Variants in DAAM1 observed in about 807,000 individuals in gnomAD.
DAAM1 encodes the protein disheveled-associated activator of morphogenesis 1.
A neutral mutation model predicts 130.0 loss-of-function variants in DAAM1; 52 were observed. The ratio of observed to expected loss-of-function variants is 0.40; its 90% CI spans 0.32 to 0.50. DAAM1 has a LOEUF of 0.50. Ranked by LOEUF, DAAM1 falls within the 20% of genes least tolerant of loss-of-function variation. The probability of loss-of-function intolerance (pLI) is 0.61; values close to 1 mark genes in which losing one functional copy is unlikely to be tolerated. For missense variants in DAAM1, 1,134 were observed against 1,303.8 expected (o/e 0.87, Z 2.01); for synonymous variants, 452 against 444.5 (o/e 1.02, Z -0.21).
At chr14:59,326,772 T>C in intron 11 of DAAM1, 124 bp downstream of exon 11, 1 of 1,511,092 alleles carries the variant, frequency 6.6e-7, no homozygotes, top group Non-Finnish European at 9.0e-7. Flanking sequence ...TGAGTTACTG[T>C]ACACATGCAC....
chr14:59,340,979 T>C (rs541499004), intron 16 of DAAM1, among the ~76,000 whole-genome samples: 15 of 152,202 alleles, frequency 9.9e-5, no homozygotes, highest in Non-Finnish European at 1.6e-4. Flanking sequence ...GTATATGCAT[T>C]GAGGCTGGTA....
intron 21 of DAAM1, 105 bp downstream of exon 21, chr14:59,359,609 CT>C (rs1364290891): frequency 6.7e-6 from 5 of 751,168 alleles, no homozygotes; most frequent in African/African-American, 3.5e-5. Context: ...TTGTTTTCCC[CT>C]GATCATTGTA....
Position 59,211,353 on chromosome 14 carries a change from C to T in DAAM1, c.-38+22585C>T, listed in dbSNP as rs114640030. Among the ~76,000 whole-genome samples the T allele has an allele frequency of 5.3e-3, 807 of 152,300 alleles. 10 individuals are homozygous for T. The highest frequency in any genetic ancestry group is 0.018 in the African/African-American group (755 of 41,550). On this transcript the variant is annotated intron_variant, in intron 1 of 24. Coordinates refer to ENST00000360909, the MANE Select transcript of DAAM1 (RefSeq NM_001270520.2). ...CTGTATTTAAGAAAACACATGCATG[C>T]ACATACATCCTGTGGCACTCTCTTC... is the stretch of plus-strand genomic sequence containing the variant.
intron 2 of DAAM1, among the ~76,000 whole-genome samples, chr14:59,283,827 C>G (rs1034221122): frequency 6.6e-6 from 1 of 152,088 alleles, no homozygotes; most frequent in Non-Finnish European, 1.5e-5. Flanking sequence ...GCCTGGCAAA[C>G]TCAGTTGGGA....
In DAAM1 at chr14:59,307,095, G is replaced by A. The variant is rs145919381; in HGVS notation, c.274-8185G>A. 5.4e-3 allele frequency among the ~76,000 whole-genome samples: 817 copies of A among 152,302 alleles called. 5 individuals carry two copies. Among genetic ancestry groups the A allele is most frequent in the Middle Eastern group, 0.031 (9 of 294 alleles). ...AGTCATGCATCTTTTGTTTTGCTAA[G>A]CTGCAGTTATAGTGAAATGGAGTAA... On this transcript the variant is annotated intron_variant, in intron 3 of 24. Coordinates refer to ENST00000360909, the MANE Select transcript of DAAM1 (RefSeq NM_001270520.2).
At chr14:59,338,259 C>G in intron 15 of DAAM1, 1 of 907,152 alleles carries the variant, frequency 1.1e-6, no homozygotes, top group Non-Finnish European at 1.8e-6. Flanking sequence ...ATCCCAGGGG[C>G]ATAAATCATC....
At chr14:59,269,136 T>A (rs1009634475) in intron 2 of DAAM1, among the ~76,000 whole-genome samples, 1 of 152,218 alleles carries the variant, frequency 6.6e-6, no homozygotes, top group Non-Finnish European at 1.5e-5. Flanking sequence ...TCCTTGATGA[T>A]GTTGTGGAGC....
At chr14:59,330,743 G>GC in intron 13 of DAAM1, 55 bp downstream of exon 13, 1 of 1,516,856 alleles carries the variant, frequency 6.6e-7, no homozygotes, top group South Asian at 1.3e-5. Context: ...TGACCCTAGA[G>GC]CCCCTCACCC....
chr14:59,338,726 C>T (rs1480567622), intron 15 of DAAM1, among the ~76,000 whole-genome samples: 1 of 151,480 alleles, frequency 6.6e-6, no homozygotes, highest in Admixed American at 6.6e-5. Flanking sequence ...TTAATGCTAC[C>T]GTTATTGGTA....
At chr14:59,239,816 A>G (rs1398980755) in intron 1 of DAAM1, among the ~76,000 whole-genome samples, 1 of 152,184 alleles carries the variant, frequency 6.6e-6, no homozygotes, top group East Asian at 1.9e-4. Context: ...CTGCTCAGCA[A>G]CAATAATGAC....
chr14:59,201,717 C>T (rs1888110905), intron 1 of DAAM1, among the ~76,000 whole-genome samples: 1 of 151,748 alleles, frequency 6.6e-6, no homozygotes, highest in African/African-American at 2.4e-5. Context: ...TCACTTGAAC[C>T]CAGGAGGCAG....
intron 15 of DAAM1, among the ~76,000 whole-genome samples, chr14:59,339,597 A>G (rs1885765333): frequency 1.3e-5 from 2 of 152,290 alleles, no homozygotes; most frequent in South Asian, 4.1e-4. Flanking sequence ...CCTGTTGTAC[A>G]TGAAGATGTT....
At chr14:59,221,048 C>T (rs1264512986) in intron 1 of DAAM1, among the ~76,000 whole-genome samples, 1 of 152,208 alleles carries the variant, frequency 6.6e-6, no homozygotes, top group Non-Finnish European at 1.5e-5. Flanking sequence ...AACATCCATA[C>T]ACATCCCCTT....
chr14:59,213,557 C>A (rs978235920), intron 1 of DAAM1, among the ~76,000 whole-genome samples: 4 of 152,078 alleles, frequency 2.6e-5, no homozygotes, highest in African/African-American at 9.7e-5. Context: ...TGTAAACTGA[C>A]ACCACCACCA....
chr14:59,190,265 C>G (rs556613617), intron 1 of DAAM1, among the ~76,000 whole-genome samples: 1 of 152,152 alleles, frequency 6.6e-6, no homozygotes, highest in Non-Finnish European at 1.5e-5. Context: ...CACCTCATCA[C>G]GCCACCTCTC....
chr14:59,251,922 G>GC (rs1164442381), intron 1 of DAAM1, among the ~76,000 whole-genome samples: 7 of 152,296 alleles, frequency 4.6e-5, no homozygotes, highest in South Asian at 4.1e-4. Context: ...ATTAAGAAAA[G>GC]CTGGAGCCGA....
chr14:59,230,530 A>C (rs1182608460), intron 1 of DAAM1, among the ~76,000 whole-genome samples: 1 of 152,192 alleles, frequency 6.6e-6, no homozygotes, highest in Non-Finnish European at 1.5e-5. Flanking sequence ...TGTGGGATCT[A>C]AAAATCAAAA....
chr14:59,282,777 C>G (rs940030312), intron 2 of DAAM1, among the ~76,000 whole-genome samples: 1 of 152,158 alleles, frequency 6.6e-6, no homozygotes, highest in African/African-American at 2.4e-5. Flanking sequence ...TAAGGATACA[C>G]TATATTCATC....
chr14:59,285,113 G>A (rs150966653), intron 2 of DAAM1, among the ~76,000 whole-genome samples: 18 of 152,166 alleles, frequency 1.2e-4, no homozygotes, highest in African/African-American at 1.9e-4. Context: ...TGGACCTTTC[G>A]GCAGAAACCT....
Sources: allele counts gnomAD v4.1 joint callset (sites outside exome capture counted in the v4.1 genomes callset), GRCh38; gene constraint gnomAD v4.1.1; transcripts MANE v1.5; gene names NCBI Gene and HGNC (gene_info 2026-07-23, HGNC 2026-07-21).